The following ARID1B variants were observed in gnomAD, a reference collection of about 807,000 sequenced individuals.
ARID1B encodes the protein AT-rich interactive domain-containing protein 1B.
A neutral mutation model predicts 212.3 loss-of-function variants in ARID1B; 30 were observed. The observed-to-expected ratio is 0.14, with a 90% CI of 0.11 to 0.19. The LOEUF is 0.19. ARID1B is among the 10% of genes least tolerant of loss of function. The pLI is 1.00. For missense variants in ARID1B, 2,891 were observed against 3,204.0 expected (o/e 0.90, Z 2.36); for synonymous variants, 1,402 against 1,301.7 (o/e 1.08, Z -1.66).
At position 156,979,579 on chromosome 6, in the gene ARID1B, G is replaced by T. The variant is rs536062605; in HGVS notation, c.2247+44003G>T. Among the ~76,000 whole-genome samples the T allele has an allele frequency of 7.4e-5, 11 of 149,512 alleles. No individual in the cohort carries two copies. The East Asian group carries it at 2.2e-3, about 30-fold the overall frequency. On this transcript the variant is annotated intron_variant, in intron 4 of 19. Transcript: ENST00000636930. Reference sequence around the variant, plus strand: ...AGCTGTTGCTGTTTTTTTTTTTTGAGACAAAGTCTCGCTCTGTCGCCAGGC... The same window carrying T: ...AGCTGTTGCTGTTTTTTTTTTTTGATACAAAGTCTCGCTCTGTCGCCAGGC...
At chr6:156,815,202 A>AT (rs763607429) in intron 1 of ARID1B, among the ~76,000 whole-genome samples, 1 of 152,166 alleles carries the variant, frequency 6.6e-6, no homozygotes, top group Non-Finnish European at 1.5e-5. Context: ...CCACTGTAAG[A>AT]TAGTGCTCTT....
intron 4 of ARID1B, among the ~76,000 whole-genome samples, chr6:157,031,939 G>A (rs866647230): frequency 6.6e-6 from 1 of 152,080 alleles, no homozygotes; most frequent in Non-Finnish European, 1.5e-5. Flanking sequence ...TGGGACTACC[G>A]GCATGCGCCA....
intron 3 of ARID1B, among the ~76,000 whole-genome samples, chr6:156,923,664 A>T (rs868718527): frequency 6.6e-6 from 1 of 151,794 alleles, no homozygotes; most frequent in Non-Finnish European, 1.5e-5. Flanking sequence ...CACTGTCCTC[A>T]GCATCATGGC....
rs1161561400 is a variant in ARID1B at position 157,200,490 on chromosome 6, A to G, written c.4480-215A>G. Among the ~76,000 whole-genome samples the G allele has an allele frequency of 6.6e-6, 1 of 152,012 alleles. No homozygotes were observed. Among genetic ancestry groups the G allele is most frequent in the East Asian group, 1.9e-4 (1 of 5,184 alleles). On this transcript the variant is annotated intron_variant, in intron 17 of 19. Coordinates refer to ENST00000636930, the MANE Select transcript of ARID1B (RefSeq NM_001374828.1). The surrounding 1 kb of genome is among the most constrained non-coding windows in gnomAD (Gnocchi z 4.3). Reference sequence around the variant, plus strand: ...TCCACAGGAAGTTTCAAACACGTGAAAACAAACTTTGGATGCTCTCTCCTC... The same window carrying G: ...TCCACAGGAAGTTTCAAACACGTGAGAACAAACTTTGGATGCTCTCTCCTC...
At chr6:156,790,752 A>G (rs996310480) in intron 1 of ARID1B, among the ~76,000 whole-genome samples, 2 of 152,182 alleles carry the variant, frequency 1.3e-5, no homozygotes, top group Non-Finnish European at 2.9e-5. Context: ...GGAGGCAGAG[A>G]CATGCCCTCT....
At chr6:157,130,494 A>T (rs192329115) in intron 6 of ARID1B, among the ~76,000 whole-genome samples, 1 of 152,210 alleles carries the variant, frequency 6.6e-6, no homozygotes, top group African/African-American at 2.4e-5. Context: ...GTTTGTTTTC[A>T]GATTGAATAA....
rs964461288 is a variant in ARID1B at position 157,203,168 on chromosome 6, G to A, written c.5264-698G>A. Among the ~76,000 whole-genome samples the A allele has an allele frequency of 2.6e-5, 4 of 152,180 alleles. No homozygotes were observed. Among genetic ancestry groups the A allele is most frequent in the African/African-American group, 7.2e-5 (3 of 41,444 alleles). The stretch of plus-strand genomic sequence containing the variant: ...TCCAGGCAGCTCCAGGGATCTGGCC[G>A]AGCTGGGTCTCATGGCAAATCTTCC... On this transcript the variant is annotated intron_variant, in intron 18 of 19. Coordinates refer to ENST00000636930, the MANE Select transcript of ARID1B (RefSeq NM_001374828.1). This position sits in a 1 kb window ranked among gnomAD's most constrained non-coding sequence, Gnocchi z 4.4.
intron 13 of ARID1B, chr6:157,186,671 C>T (rs111930491): frequency 3.7e-5 from 14 of 376,962 alleles, no homozygotes; most frequent in South Asian, 2.5e-4. Context: ...CACAAATTTA[C>T]GGTAAAAATG....
intron 6 of ARID1B, among the ~76,000 whole-genome samples, chr6:157,120,065 T>C (rs142176815): frequency 6.6e-6 from 1 of 152,380 alleles, no homozygotes; most frequent in African/African-American, 2.4e-5. Flanking sequence ...CAGGTTCAGA[T>C]ACCTCAGGTG....
At position 157,181,050 on chromosome 6, in the gene ARID1B, G is replaced by A. The variant is rs2128317069; in HGVS notation, c.3586G>A (p.Val1196Ile). Reference sequence around the variant, plus strand: ...GAATGAGCCAGAGAGAAAGCTCTGGGTCGACCGATACCTCACCTTCATGGA... The same window carrying A: ...GAATGAGCCAGAGAGAAAGCTCTGGATCGACCGATACCTCACCTTCATGGA... ...LGNEPERKLW[V>I]DRYLTFMEER... The change falls in exon 12 of 20, where the codon GTC becomes ATC. Residue 1196 changes from valine (V) to isoleucine (I), a missense_variant. Val to Ile is a conservative substitution (Grantham distance 29). Coordinates refer to ENST00000636930, the MANE Select transcript of ARID1B (RefSeq NM_001374828.1). 1.9e-6 allele frequency: 3 copies of A among 1,614,166 alleles called. No homozygotes were observed. Among genetic ancestry groups the A allele is most frequent in the Admixed American group, 3.3e-5 (2 of 60,016 alleles).
intron 4 of ARID1B, among the ~76,000 whole-genome samples, chr6:156,944,213 G>A (rs1005243268): frequency 1.1e-4 from 17 of 152,172 alleles, no homozygotes; most frequent in African/African-American, 3.1e-4. Context: ...AGTAAAGTGC[G>A]GGTACATTGA....
At chr6:157,025,232 A>G (rs1271731748) in intron 4 of ARID1B, among the ~76,000 whole-genome samples, 1 of 152,266 alleles carries the variant, frequency 6.6e-6, no homozygotes, top group African/African-American at 2.4e-5. Context: ...CTTTCTCAGA[A>G]CAAAAAGATG....
chr6:157,028,533 T>A (rs1780811486), intron 4 of ARID1B, among the ~76,000 whole-genome samples: 1 of 152,244 alleles, frequency 6.6e-6, no homozygotes, highest in Non-Finnish European at 1.5e-5. Context: ...AAAGGCCAAA[T>A]GAAATAATGA....
chr6:157,161,429 G>GTATATATATATATATATATATATA (rs1228344142), intron 8 of ARID1B, among the ~76,000 whole-genome samples: 1 of 134,086 alleles, frequency 7.5e-6, no homozygotes, highest in African/African-American at 3.0e-5. Flanking sequence ...GATTGTGTGT[G>GTATATATATATATATATATATATA]TGTATATATA....
At chr6:157,166,858 A>G (rs1248804088) in intron 8 of ARID1B, 182 bp from the exon 9 acceptor site, 1 of 715,908 alleles carries the variant, frequency 1.4e-6, no homozygotes, top group African/African-American at 1.8e-5. Flanking sequence ...AAAGGGGTGT[A>G]TTAAAGAGTT....
At position 156,778,745 on chromosome 6, in the gene ARID1B, C is replaced by T. The variant is rs2114984321; in HGVS notation, c.1065C>T (p.Ala355=). The change falls in exon 1 of 20, where the codon GCC becomes GCT. Residue 355 remains alanine, a synonymous_variant. Transcript: ENST00000636930. ...GMGMMHSASA[A]AAGAPGSMDP... is the part of the protein sequence containing the mutation. Reference sequence around the variant, plus strand: ...GGATGATGCACTCCGCCTCCGCCGCCGCCGCCGGGGCCCCCGGCAGCATGG... The same window carrying T: ...GGATGATGCACTCCGCCTCCGCCGCTGCCGCCGGGGCCCCCGGCAGCATGG... The T allele has an allele frequency of 1.3e-6, 2 of 1,525,412 alleles. No homozygotes were observed. The highest frequency in any genetic ancestry group is 8.8e-7 in the Non-Finnish European group (1 of 1,134,644). The allele number at this position is 1,525,412 out of a possible 1,614,324, so 94.5% of individuals were successfully genotyped here. A position where few individuals can be genotyped will look rare whatever the true frequency, so the allele number is the denominator to read the frequency against.
At chr6:156,837,439 T>G (rs999893955) in intron 2 of ARID1B, among the ~76,000 whole-genome samples, 1 of 152,236 alleles carries the variant, frequency 6.6e-6, no homozygotes, top group Non-Finnish European at 1.5e-5. Flanking sequence ...TTATGTTCTG[T>G]GCATTACCTT....
At chr6:157,114,543 A>AG (rs1787191203) in intron 6 of ARID1B, among the ~76,000 whole-genome samples, 1 of 150,250 alleles carries the variant, frequency 6.7e-6, no homozygotes, top group African/African-American at 2.5e-5. Context: ...AAAAAAAAAA[A>AG]AAAAAAAAGG....
intron 1 of ARID1B, among the ~76,000 whole-genome samples, chr6:156,803,242 A>AT: frequency 6.6e-6 from 1 of 152,176 alleles, no homozygotes; most frequent in Non-Finnish European, 1.5e-5. Flanking sequence ...TTCAATGAAG[A>AT]TTTAAGAGCC....
Sources: allele counts gnomAD v4.1 joint callset (sites outside exome capture counted in the v4.1 genomes callset), GRCh38; gene constraint gnomAD v4.1.1; non-coding constraint Gnocchi (gnomAD v3.1); transcripts MANE v1.5; gene names NCBI Gene and HGNC (gene_info 2026-07-23, HGNC 2026-07-21).